The following ROBO2 variants were observed in gnomAD, a reference collection of about 807,000 sequenced individuals.
ROBO2 encodes the protein roundabout homolog 2.
Under a neutral mutation model 160.8 loss-of-function variants are expected in ROBO2, and 53 were observed. That is an observed-to-expected ratio of 0.33 (90% CI 0.26 to 0.41). ROBO2 has a LOEUF of 0.41. ROBO2 is among the 10% of genes least tolerant of loss of function. ROBO2 has a pLI of 1.00. For missense variants in ROBO2, 1,577 were observed against 1,722.4 expected, an observed-to-expected ratio of 0.92 and a Z score of 1.49; for synonymous variants, 664 against 611.7, an observed-to-expected ratio of 1.09 and a Z score of -1.26.
chr3:77,642,876 A>G (rs1238098743), intron 24 of ROBO2: 1 of 456,584 alleles, frequency 2.2e-6, no homozygotes, highest in African/African-American at 2.0e-5. Flanking sequence ...AAACCCAGGA[A>G]TGGATAAGCT....
chr3:76,205,841 G>A (rs936082433), intron 2 of ROBO2, among the ~76,000 whole-genome samples: 1 of 152,082 alleles, frequency 6.6e-6, no homozygotes, highest in East Asian at 1.9e-4. Context: ...ACTTGTCACT[G>A]ATAGAAAAGG....
At chr3:77,517,071 G>A (rs889230152) in intron 5 of ROBO2, among the ~76,000 whole-genome samples, 4 of 151,472 alleles carry the variant, frequency 2.6e-5, no homozygotes, top group South Asian at 2.1e-4. Flanking sequence ...AAGAAATAAG[G>A]AAACAAAAGA....
intron 2 of ROBO2, among the ~76,000 whole-genome samples, chr3:77,328,495 T>C (rs2065661874): frequency 6.6e-6 from 1 of 152,240 alleles, no homozygotes; most frequent in Non-Finnish European, 1.5e-5. Context: ...CTAGCTTTTA[T>C]ATACAGATCA....
At chr3:77,180,416 C>CTCTCTCTCTCTCTATA (rs1433740534) in intron 2 of ROBO2, among the ~76,000 whole-genome samples, 4 of 90,706 alleles carry the variant, frequency 4.4e-5, no homozygotes, top group Non-Finnish European at 6.8e-5. Flanking sequence ...CTCTCTCTCT[C>CTCTCTCTCTCTCTATA]TATATATATA....
intron 2 of ROBO2, among the ~76,000 whole-genome samples, chr3:77,231,352 G>A (rs2087168281): frequency 9.0e-6 from 1 of 110,588 alleles, no homozygotes; most frequent in South Asian, 3.4e-4. Flanking sequence ...AGCAGTGAGT[G>A]AGACTCCATC....
intron 2 of ROBO2, among the ~76,000 whole-genome samples, chr3:76,291,406 G>A (rs1708796093): frequency 6.6e-6 from 1 of 151,560 alleles, no homozygotes; most frequent in African/African-American, 2.4e-5. Flanking sequence ...TTTTTATTTG[G>A]ATCTTCTCTT....
chr3:77,326,513 C>G (rs376012966), intron 2 of ROBO2, among the ~76,000 whole-genome samples: 2 of 152,260 alleles, frequency 1.3e-5, no homozygotes, highest in East Asian at 3.9e-4. Flanking sequence ...TTTGTATATC[C>G]ATTGATCTTG....
In ROBO2 at chr3:77,187,220, C is replaced by A. The variant is rs920866669; in HGVS notation, c.388+88880C>A. ...AAGAATATGAAATTATTATTAGATC[C>A]TCTTAAGCTAACTTATCTATCTAGA... is the stretch of plus-strand genomic sequence containing the variant. On this transcript the variant is annotated intron_variant, in intron 2 of 25. Coordinates refer to ENST00000461745, the Ensembl canonical transcript of ROBO2. Among the ~76,000 whole-genome samples, 4 of 151,872 alleles carry A rather than the reference C, an allele frequency of 2.6e-5. No homozygotes were observed. The East Asian group carries it at 7.7e-4, about 29-fold the overall frequency.
At chr3:76,681,559 C>T (rs2092561950) in intron 2 of ROBO2, among the ~76,000 whole-genome samples, 1 of 151,906 alleles carries the variant, frequency 6.6e-6, no homozygotes, top group Non-Finnish European at 1.5e-5. Context: ...CTTTTTCCTC[C>T]AGAGTAAGCA....
chr3:77,079,160 TG>T (rs2068348047), intron 1 of ROBO2, among the ~76,000 whole-genome samples: 1 of 152,180 alleles, frequency 6.6e-6, no homozygotes, highest in African/African-American at 2.4e-5. Context: ...TTGGTCAGGC[TG>T]GTCTCAAACT....
chr3:76,000,920 C>T (rs1031971598), intron 2 of ROBO2, among the ~76,000 whole-genome samples: 1 of 152,084 alleles, frequency 6.6e-6, no homozygotes, highest in African/African-American at 2.4e-5. Flanking sequence ...CGAACTTAAT[C>T]TATTCATACT....
At chr3:77,279,018 G>T (rs564004197) in intron 2 of ROBO2, among the ~76,000 whole-genome samples, 14 of 152,218 alleles carry the variant, frequency 9.2e-5, no homozygotes, top group African/African-American at 3.1e-4. Context: ...AAGGGTTAGA[G>T]ATGCTAATCA....
Position 76,889,853 on chromosome 3 carries a change from C to G in ROBO2, c.110-208161C>G, listed in dbSNP as rs549535675. On this transcript the variant is annotated intron_variant, in intron 2 of 26. Coordinates refer to the ROBO2 transcript ENST00000487694. Reference sequence around the variant, plus strand: ...ATTTTAGAGTGGTCAGGAATATTCTCTAGAAAAAGGTGGCATTTAAGCAAA... The same window carrying G: ...ATTTTAGAGTGGTCAGGAATATTCTGTAGAAAAAGGTGGCATTTAAGCAAA... 8.6e-5 allele frequency among the ~76,000 whole-genome samples: 13 copies of G among 151,920 alleles called. No homozygotes were observed. The East Asian group carries it at 1.7e-3, about 20-fold the overall frequency.
chr3:76,403,974 G>A (rs2077993067), intron 2 of ROBO2, among the ~76,000 whole-genome samples: 2 of 151,646 alleles, frequency 1.3e-5, no homozygotes, highest in Admixed American at 6.6e-5. Flanking sequence ...AGAAATCTGA[G>A]TTTCAGTTCT....
chr3:75,975,922 C>A (rs1275526523), intron 2 of ROBO2, among the ~76,000 whole-genome samples: 1 of 151,520 alleles, frequency 6.6e-6, no homozygotes, highest in Admixed American at 6.6e-5. Context: ...AAGTTGGAGA[C>A]TGTTCTATTC....
intron 2 of ROBO2, among the ~76,000 whole-genome samples, chr3:76,898,851 A>G (rs1404186368): frequency 6.6e-6 from 1 of 152,162 alleles, no homozygotes; most frequent in African/African-American, 2.4e-5. Flanking sequence ...ATGTTCTATT[A>G]TATGCAGCAT....
At chr3:76,036,504 C>T (rs1576582400) in intron 2 of ROBO2, among the ~76,000 whole-genome samples, 1 of 151,432 alleles carries the variant, frequency 6.6e-6, no homozygotes, top group Non-Finnish European at 1.5e-5. Context: ...GCAAGTTTCT[C>T]CCTTTTTTCT....
chr3:76,224,557 AT>A (rs1704168266), intron 2 of ROBO2, among the ~76,000 whole-genome samples: 2 of 152,218 alleles, frequency 1.3e-5, no homozygotes, highest in African/African-American at 4.8e-5. Flanking sequence ...GATTCAATTG[AT>A]AAGCTATTCT....
rs192965441 is a variant in ROBO2, at chr3:75,965,924, C to T, written c.109+28322C>T. Among the ~76,000 whole-genome samples, 956 of 151,740 alleles carry T rather than the reference C, an allele frequency of 6.3e-3. 4 individuals are homozygous for T. The highest frequency in any genetic ancestry group is 0.011 in the Non-Finnish European group (740 of 67,762). ...CAATTAAATGGTATTTTGAAAAGGA[C>T]TTTAATGCTGTCTTTTGACATTGAA... On this transcript the variant is annotated intron_variant, in intron 2 of 26. Coordinates refer to the ROBO2 transcript ENST00000487694.
Sources: allele counts gnomAD v4.1 joint callset (sites outside exome capture counted in the v4.1 genomes callset), GRCh38; gene constraint gnomAD v4.1.1; transcripts MANE v1.5; gene names NCBI Gene and HGNC (gene_info 2026-07-23, HGNC 2026-07-21).